Variants in DOCK9 observed in about 807,000 individuals in gnomAD.
DOCK9 encodes the protein dedicator of cytokinesis protein 9.
Under a neutral mutation model 263.3 loss-of-function variants are expected in DOCK9, and 89 were observed. The ratio of observed to expected loss-of-function variants is 0.34; its 90% CI spans 0.28 to 0.40. DOCK9 has a LOEUF of 0.40. Among genes scored for constraint, DOCK9 ranks in the 10% least tolerant of loss-of-function variants. The pLI is 1.00. For missense variants in DOCK9, 2,140 were observed against 2,603.4 expected (o/e 0.82, Z 3.87); for synonymous variants, 976 against 973.1 (o/e 1.00, Z -0.06).
chr13:99,034,164 T>TCTGAGCTC (rs1887622394), intron 1 of DOCK9, among the ~76,000 whole-genome samples: 1 of 152,098 alleles, frequency 6.6e-6, no homozygotes, highest in Admixed American at 6.5e-5. Flanking sequence ...ATTACAAGCT[T>TCTGAGCTC]TCAGGAGTCA....
chr13:99,011,017 C>T (rs1215023515), intron 1 of DOCK9, among the ~76,000 whole-genome samples: 3 of 152,204 alleles, frequency 2.0e-5, no homozygotes, highest in African/African-American at 7.2e-5. Context: ...CCTGCCTCAG[C>T]CTCCTGAGTA....
chr13:98,888,383 C>A lies in DOCK9; in HGVS notation c.1954G>T (p.Asp652Tyr), dbSNP rs1279074857. 1.2e-6 allele frequency: 2 copies of A among 1,613,486 alleles called. No individual in the cohort carries two copies. Among genetic ancestry groups the A allele is most frequent in the Admixed American group, 3.3e-5 (2 of 59,988 alleles). The change falls in exon 17 of 53, where the codon GAC (aspartate) becomes TAC (tyrosine). Residue 652 changes from aspartate to tyrosine, a missense_variant. By Grantham distance (160) the Asp-to-Tyr change is radical. Around this residue, in one of 2 missense-constraint regions of DOCK9, gnomAD observed 1,521 missense variants for 1,741.7 expected, o/e 0.87. Transcript: ENST00000682017. Reference sequence around the variant, plus strand: ...ACCTTGGCAAAAGACTTCTGACTGTCGTATTTCAAGTACTTAGGATAAACG... The same window carrying A: ...ACCTTGGCAAAAGACTTCTGACTGTAGTATTTCAAGTACTTAGGATAAACG... ...LYVYPKYLKYDSQKSFAKARN... is the reference protein window; with the variant it reads ...LYVYPKYLKYYSQKSFAKARN...
chr13:98,974,205 G>A (rs2060001432), intron 1 of DOCK9, among the ~76,000 whole-genome samples: 1 of 152,114 alleles, frequency 6.6e-6, no homozygotes, highest in Admixed American at 6.5e-5. Context: ...ATTCAAATGT[G>A]AGCAGGGAAA....
At chr13:98,845,459 G>T in intron 38 of DOCK9, 2 of 907,446 alleles carry the variant, frequency 2.2e-6, no homozygotes, top group Non-Finnish European at 3.1e-6. Context: ...TTTCACAGTA[G>T]TGCAAGGATT....
At chr13:99,070,343 A>G (rs1428453910) in intron 1 of DOCK9, among the ~76,000 whole-genome samples, 1 of 144,046 alleles carries the variant, frequency 6.9e-6, no homozygotes, top group Admixed American at 7.0e-5. Flanking sequence ...GGGAAATCCT[A>G]GAATATATAA....
intron 1 of DOCK9, among the ~76,000 whole-genome samples, chr13:98,998,190 G>T (rs1434469370): frequency 5.9e-5 from 9 of 152,246 alleles, no homozygotes; most frequent in Non-Finnish European, 1.3e-4. Flanking sequence ...ATGGCAGCTG[G>T]CAGGCATGCA....
exon 1 of DOCK9, chr13:99,086,416 A>C: frequency 1.1e-6 from 1 of 944,988 alleles, no homozygotes; most frequent in Non-Finnish European, 1.3e-6. Flanking sequence ...CGCGGCCGCC[A>C]GGTGCGCCCT....
At chr13:98,951,006 T>C (rs1334889181) in intron 2 of DOCK9, among the ~76,000 whole-genome samples, 1 of 152,250 alleles carries the variant, frequency 6.6e-6, no homozygotes, top group African/African-American at 2.4e-5. Context: ...AGGCTCATCA[T>C]GTCTTAAGCG....
intron 1 of DOCK9, among the ~76,000 whole-genome samples, chr13:99,076,715 TATAG>T (rs2041923094): frequency 6.6e-6 from 1 of 151,976 alleles, no homozygotes; most frequent in African/African-American, 2.4e-5. Flanking sequence ...AAAATGAAGA[TATAG>T]AGTCAGATGT....
Position 98,794,557 on chromosome 13 carries a change from T to C in DOCK9, c.*69A>G. On this transcript the variant is annotated 3_prime_UTR_variant, in exon 53 of 53. Coordinates refer to ENST00000682017, the MANE Select transcript of DOCK9 (RefSeq NM_001366683.2). ...CCCTGTGCTCGGTCTCCCCAGTGAT[T>C]GGCTTTGGAAAGCATCCTGAGTTTG... is the stretch of plus-strand genomic sequence containing the variant. 3.9e-6 allele frequency: 6 copies of C among 1,525,638 alleles called. No individual in the cohort carries two copies. Among genetic ancestry groups the C allele is most frequent in the Non-Finnish European group, 5.3e-6 (6 of 1,130,010 alleles). The allele number at this position is 1,525,638 out of a possible 1,614,324, so 94.5% of individuals were successfully genotyped here.
At chr13:98,801,482 C>CA (rs1267206877) in intron 49 of DOCK9, among the ~76,000 whole-genome samples, 1 of 151,500 alleles carries the variant, frequency 6.6e-6, no homozygotes, top group Non-Finnish European at 1.5e-5. Context: ...ATTTTTTAAC[C>CA]AAAAAAATCT....
chr13:99,008,602 T>C (rs955231130), intron 1 of DOCK9, among the ~76,000 whole-genome samples: 4 of 152,184 alleles, frequency 2.6e-5, no homozygotes, highest in African/African-American at 9.7e-5. Context: ...ATACTCTACT[T>C]GTATCTTAGT....
intron 2 of DOCK9, among the ~76,000 whole-genome samples, chr13:98,952,515 A>G (rs1394259608): frequency 6.6e-6 from 1 of 152,252 alleles, no homozygotes; most frequent in African/African-American, 2.4e-5. Flanking sequence ...GATTACAGGC[A>G]TGAGCCAGTG....
rs769734394 is a variant in DOCK9, at chr13:98,881,900, G to A, written c.2667C>T (p.Asn889=). 5.0e-5 allele frequency: 79 copies of A among 1,575,132 alleles called. No individual in the cohort carries two copies. The highest frequency in any genetic ancestry group is 6.1e-5 in the Non-Finnish European group (71 of 1,159,712). ...TRATQEEVAV[N]VTRVIIHVVA... is the part of the protein sequence containing the mutation. ...CCATCCACCTCCCTTACCGAGTCAC[G>A]TTAACCGCGACTTCTTCCTGTGTGG... is the stretch of plus-strand genomic sequence containing the variant. Residue 889 remains asparagine (N), a synonymous_variant, in exon 24 of 53, where the codon AAC becomes AAT. Coordinates refer to ENST00000682017, the MANE Select transcript of DOCK9 (RefSeq NM_001366683.2).
chr13:98,842,864 T>A (rs1007662337), intron 38 of DOCK9, among the ~76,000 whole-genome samples: 1 of 152,308 alleles, frequency 6.6e-6, no homozygotes, highest in African/African-American at 2.4e-5. Context: ...TTTAAGGGTG[T>A]TTTTCAAATA....
intron 1 of DOCK9, among the ~76,000 whole-genome samples, chr13:99,002,549 A>G (rs1882561995): frequency 6.6e-6 from 1 of 152,216 alleles, no homozygotes; most frequent in Admixed American, 6.5e-5. Context: ...GTCCCTGGTC[A>G]GTGGGTTCAC....
At chr13:99,081,488 G>A (rs2042118919) in intron 1 of DOCK9, among the ~76,000 whole-genome samples, 1 of 152,226 alleles carries the variant, frequency 6.6e-6, no homozygotes, top group South Asian at 2.1e-4. Context: ...GTTTGAAGTT[G>A]AACATAGTGA....
chr13:98,987,054 T>C (rs1878629320), intron 1 of DOCK9, among the ~76,000 whole-genome samples: 1 of 152,068 alleles, frequency 6.6e-6, no homozygotes, highest in African/African-American at 2.4e-5. Flanking sequence ...TGCAGCACCA[T>C]CACCATCTTC....
intron 1 of DOCK9, among the ~76,000 whole-genome samples, chr13:99,038,597 C>T (rs1040397297): frequency 2.0e-5 from 3 of 152,070 alleles, no homozygotes; most frequent in Non-Finnish European, 2.9e-5. Context: ...TGAGCCACCA[C>T]GTCCGGCTTA....
Sources: gnomAD v4.1 joint callset for allele counts (sites outside exome capture counted in the v4.1 genomes callset) on GRCh38, gnomAD v4.1.1 for gene constraint, gnomAD v4.1.1 regional missense constraint, MANE v1.5 for transcripts, NCBI Gene and HGNC (gene_info 2026-07-23, HGNC 2026-07-21) for gene names.